Variants in MECOM observed in about 807,000 individuals in gnomAD.
MECOM encodes histone-lysine N-methyltransferase MECOM.
Under a neutral mutation model 116.3 loss-of-function variants are expected in MECOM, and 13 were observed. That is an observed-to-expected ratio of 0.11 (90% CI 0.07 to 0.18). The LOEUF (loss-of-function observed/expected upper bound fraction) is 0.18. MECOM is among the 10% of genes least tolerant of loss of function. The pLI, the probability that MECOM is intolerant of heterozygous loss-of-function variation, is 1.00. For missense variants in MECOM, 1,299 were observed against 1,509.0 expected, an observed-to-expected ratio of 0.86 and a Z score of 2.31; for synonymous variants, 528 against 535.2, an observed-to-expected ratio of 0.99 and a Z score of 0.19.
In MECOM at chr3:169,602,045, A is replaced by C. The variant is rs572633513; in HGVS notation, c.37+61291T>G. On this transcript the variant is annotated intron_variant, in intron 1 of 16. Coordinates refer to ENST00000651503, the MANE Select transcript of MECOM (RefSeq NM_004991.4). ...ATTAATTACCACGTATGGGGAAAGA[A>C]GAATTAGTATGCTAATGCATACTAG... Among the ~76,000 whole-genome samples, 5 of 152,248 alleles carry C rather than the reference A, an allele frequency of 3.3e-5. No individual in the cohort carries two copies. In the South Asian group the frequency reaches 1.0e-3, roughly 31 times the overall value.
chr3:169,581,679 T>A (rs1576983423), intron 1 of MECOM, among the ~76,000 whole-genome samples: 1 of 152,174 alleles, frequency 6.6e-6, no homozygotes, highest in African/African-American at 2.4e-5. Context: ...CTGGAGGTGC[T>A]TAGCTGGCCC....
intron 1 of MECOM, among the ~76,000 whole-genome samples, chr3:169,484,693 T>C (rs1751886493): frequency 6.6e-6 from 1 of 152,196 alleles, no homozygotes; most frequent in South Asian, 2.1e-4. Flanking sequence ...AATTAAATAT[T>C]AACAACAGAT....
At chr3:169,559,642 C>T (rs904145346) in intron 1 of MECOM, among the ~76,000 whole-genome samples, 4 of 152,142 alleles carry the variant, frequency 2.6e-5, no homozygotes, top group Admixed American at 6.6e-5. Context: ...GCATTTCATA[C>T]ACATTATCTA....
At chr3:169,443,316 T>G (rs1744055936) in intron 1 of MECOM, among the ~76,000 whole-genome samples, 1 of 152,032 alleles carries the variant, frequency 6.6e-6, no homozygotes, top group Admixed American at 6.5e-5. Context: ...TCATAAAATA[T>G]TTATGGTGTA....
intron 1 of MECOM, among the ~76,000 whole-genome samples, chr3:169,515,748 C>A (rs1441812609): frequency 6.6e-6 from 1 of 152,182 alleles, no homozygotes. Flanking sequence ...GTCTCTCATT[C>A]CACCACATAC....
chr3:169,378,450 AAGGAAAGCAAGCAAGCAAGC>A (rs1221801752), intron 2 of MECOM, among the ~76,000 whole-genome samples: 586 of 53,956 alleles, frequency 0.011, 40 homozygotes, highest in Admixed American at 0.025. Flanking sequence ...AGAAAGAAAG[AAGGAAAGCAAGCAAGCAAGC>A]AAGCAAGAAA....
At chr3:169,589,864 A>G (rs1766199569) in intron 1 of MECOM, among the ~76,000 whole-genome samples, 1 of 152,216 alleles carries the variant, frequency 6.6e-6, no homozygotes, top group Non-Finnish European at 1.5e-5. Flanking sequence ...TTCTGAAGAA[A>G]AATTAGTGTT....
intron 2 of MECOM, among the ~76,000 whole-genome samples, chr3:169,209,211 G>A (rs1187112011): frequency 6.6e-6 from 1 of 152,048 alleles, no homozygotes; most frequent in African/African-American, 2.4e-5. Flanking sequence ...AACTCAGGAT[G>A]GATTAAAGAC....
In MECOM at chr3:169,092,897, A is replaced by G. The variant is rs1560118347; in HGVS notation, c.3164+61T>C. Reference sequence around the variant, plus strand: ...TGCCACAAAAGTGAGCATAGCAAGTATATTTTAAAACATGTTCATTTCAGT... The same window carrying G: ...TGCCACAAAAGTGAGCATAGCAAGTGTATTTTAAAACATGTTCATTTCAGT... On this transcript the variant is annotated intron_variant, in intron 14 of 16. Transcript: ENST00000651503. The G allele has an allele frequency of 3.7e-6, 6 of 1,600,960 alleles. No homozygotes were observed. The Admixed American group carries it at 8.4e-5, about 22-fold the overall frequency.
chr3:169,116,029 T>C lies in MECOM; in HGVS notation c.1843A>G (p.Asn615Asp). The change falls in exon 8 of 17, where the codon AAT (asparagine) becomes GAT (aspartate). Residue 615 changes from asparagine to aspartate, a missense_variant. By Grantham distance (23) the Asn-to-Asp change is conservative. Coordinates refer to ENST00000651503, the MANE Select transcript of MECOM (RefSeq NM_004991.4). ...IESDKEKFKENGKMFKDKVSP... is the reference protein window; with the variant it reads ...IESDKEKFKEDGKMFKDKVSP... ...ACTTTGTCTTTGAACATTTTACCAT[T>C]TTCTTTAAATTTCTCTTTATCACTT... 6.2e-7 allele frequency: 1 copy of C among 1,614,086 alleles called. No individual in the cohort carries two copies.
chr3:169,469,253 C>T (rs1456716556), intron 1 of MECOM, among the ~76,000 whole-genome samples: 1 of 152,108 alleles, frequency 6.6e-6, no homozygotes, highest in Non-Finnish European at 1.5e-5. Flanking sequence ...CCTAGCAGAA[C>T]AAGCAGTATA....
At position 169,090,223 on chromosome 3, in the gene MECOM, G is replaced by A. The variant is rs980456056; in HGVS notation, c.3178C>T (p.His1060Tyr). ...RNVEERMNGS[H>Y]FKDEKALVTS... ...ACCAAAGCCTTTTCATCTTTAAAAT[G>A]ACTGCCATTCATTCTTTCAAAAGCA... The change falls in exon 15 of 17, where the codon CAT becomes TAT. Residue 1060 changes from histidine (H) to tyrosine (Y), a missense_variant. His to Tyr is a moderately conservative substitution (Grantham distance 83). Coordinates refer to ENST00000651503, the MANE Select transcript of MECOM (RefSeq NM_004991.4). The A allele has an allele frequency of 6.2e-7, 1 of 1,608,080 alleles. No homozygotes were observed. The highest frequency in any genetic ancestry group is 1.3e-5 in the African/African-American group (1 of 74,330).
At chr3:169,404,355 A>G (rs771852281) in intron 1 of MECOM, among the ~76,000 whole-genome samples, 39 of 152,238 alleles carry the variant, frequency 2.6e-4, no homozygotes, top group Middle Eastern at 3.4e-3. Context: ...CTTTCCCACA[A>G]TGGAAATGCA....
chr3:169,275,719 A>G (rs1759495820), intron 2 of MECOM, among the ~76,000 whole-genome samples: 1 of 152,196 alleles, frequency 6.6e-6, no homozygotes, highest in South Asian at 2.1e-4. Context: ...AAGCTCCAGA[A>G]ACTATACCAT....
At chr3:169,236,284 T>C (rs1200964812) in intron 2 of MECOM, among the ~76,000 whole-genome samples, 1 of 152,192 alleles carries the variant, frequency 6.6e-6, no homozygotes, top group Non-Finnish European at 1.5e-5. Flanking sequence ...ATCTGTACTA[T>C]CCAGCACATA....
chr3:169,126,641 C>T (rs922585654), intron 5 of MECOM, among the ~76,000 whole-genome samples: 11 of 151,998 alleles, frequency 7.2e-5, no homozygotes, highest in Non-Finnish European at 1.6e-4. Flanking sequence ...CTAAATTAGT[C>T]CTAAATTTTC....
At chr3:169,508,516 T>TCACA (rs34557610) in intron 1 of MECOM, among the ~76,000 whole-genome samples, 18,173 of 150,876 alleles carry the variant, frequency 0.12, 1,132 homozygotes, top group South Asian at 0.14. Flanking sequence ...ACATACACAC[T>TCACA]CACACACACA....
chr3:169,438,743 T>C (rs911506018), intron 1 of MECOM, among the ~76,000 whole-genome samples: 1 of 152,214 alleles, frequency 6.6e-6, no homozygotes, highest in African/African-American at 2.4e-5. Context: ...TTTCAGGTAC[T>C]ATCGGGTTTT....
At chr3:169,379,011 C>T (rs1419640102) in intron 2 of MECOM, among the ~76,000 whole-genome samples, 1 of 151,242 alleles carries the variant, frequency 6.6e-6, no homozygotes, top group African/African-American at 2.4e-5. Context: ...TTATCTCTAA[C>T]TAAATAGGAG....
Sources: allele counts gnomAD v4.1 joint callset (sites outside exome capture counted in the v4.1 genomes callset), GRCh38; gene constraint gnomAD v4.1.1; transcripts MANE v1.5; gene names NCBI Gene and HGNC (gene_info 2026-07-23, HGNC 2026-07-21).